The following RANBP10 variants were observed in gnomAD, a reference collection of about 807,000 sequenced individuals.
The protein encoded by RANBP10 is ran-binding protein 10.
In RANBP10, 24 loss-of-function variants were observed where a neutral mutation model predicts 72.8. The ratio of observed to expected loss-of-function variants is 0.33; its 90% CI spans 0.24 to 0.46. The LOEUF (loss-of-function observed/expected upper bound fraction) is 0.46. Among genes scored for constraint, RANBP10 ranks in the 20% least tolerant of loss-of-function variants. The pLI, the probability that RANBP10 is intolerant of heterozygous loss-of-function variation, is 1.00. For missense variants in RANBP10, 679 were observed against 817.5 expected (o/e 0.83, Z 2.07); for synonymous variants, 310 against 322.3 (o/e 0.96, Z 0.41).
intron 2 of RANBP10, among the ~76,000 whole-genome samples, chr16:67,802,967 G>A (rs1203433472): frequency 1.3e-5 from 2 of 152,152 alleles, no homozygotes; most frequent in African/African-American, 4.8e-5. Flanking sequence ...TGTTATCTAT[G>A]ATAAAGACTA....
intron 3 of RANBP10, among the ~76,000 whole-genome samples, chr16:67,762,746 T>G (rs2054423139): frequency 6.6e-6 from 1 of 152,200 alleles, no homozygotes; most frequent in South Asian, 2.1e-4. Context: ...TGGAGCCTGA[T>G]GCAATTTACT....
chr16:67,800,078 T>C (rs2055207719), intron 2 of RANBP10, among the ~76,000 whole-genome samples: 1 of 151,784 alleles, frequency 6.6e-6, no homozygotes, highest in South Asian at 2.1e-4. Context: ...GCCAAGATTG[T>C]GCCACTGCAC....
intron 4 of RANBP10, among the ~76,000 whole-genome samples, chr16:67,738,247 C>G (rs2053896251): frequency 6.6e-6 from 1 of 151,096 alleles, no homozygotes; most frequent in Non-Finnish European, 1.5e-5. Context: ...AAGCAATTCT[C>G]TGGCCTCAGC....
chr16:67,739,545 C>T (rs759928032), intron 4 of RANBP10, among the ~76,000 whole-genome samples: 1 of 152,096 alleles, frequency 6.6e-6, no homozygotes, highest in South Asian at 2.1e-4. Context: ...TTCAGGTTAA[C>T]AATGGCCTGT....
At chr16:67,755,164 A>G (rs1259510519) in intron 3 of RANBP10, among the ~76,000 whole-genome samples, 1 of 152,114 alleles carries the variant, frequency 6.6e-6, no homozygotes, top group African/African-American at 2.4e-5. Flanking sequence ...TCCAGCAATT[A>G]TGCCTGGGTG....
chr16:67,730,393 C>T lies in RANBP10; in HGVS notation c.890-347G>A, dbSNP rs560685384. ...TGGGGCAACATGATCTGGGGATGGG[C>T]ACCCAGGCAGCTTGGCGGCCTGAGT... On this transcript the variant is annotated intron_variant, in intron 7 of 13. Transcript: ENST00000317506. The surrounding 1 kb of genome is among the most constrained non-coding windows in gnomAD (Gnocchi z 4.3). Among the ~76,000 whole-genome samples, 4 of 152,174 alleles carry T rather than the reference C, an allele frequency of 2.6e-5. No homozygotes were observed. The highest frequency in any genetic ancestry group is 5.9e-5 in the Non-Finnish European group (4 of 68,024).
intron 2 of RANBP10, among the ~76,000 whole-genome samples, chr16:67,798,914 C>T (rs2055181477): frequency 6.6e-6 from 1 of 152,098 alleles, no homozygotes; most frequent in Non-Finnish European, 1.5e-5. Flanking sequence ...CTGGCCACAG[C>T]ATACAAGGTA....
At chr16:67,785,432 CT>C (rs2054897470) in intron 2 of RANBP10, among the ~76,000 whole-genome samples, 1 of 151,772 alleles carries the variant, frequency 6.6e-6, no homozygotes, top group Non-Finnish European at 1.5e-5. Context: ...AATATTAAAA[CT>C]TCTGTGCATC....
chr16:67,734,570 A>G (rs529942881), intron 6 of RANBP10, among the ~76,000 whole-genome samples: 1 of 152,238 alleles, frequency 6.6e-6, no homozygotes, highest in Non-Finnish European at 1.5e-5. Context: ...TCCTCTGCAA[A>G]ATGACCTGGG....
chr16:67,780,762 G>C (rs150232256), intron 2 of RANBP10, among the ~76,000 whole-genome samples: 1 of 152,196 alleles, frequency 6.6e-6, no homozygotes, highest in East Asian at 1.9e-4. Flanking sequence ...TTTATTGGGT[G>C]GGGGAGGAGC....
intron 2 of RANBP10, 35 bp downstream of exon 2, chr16:67,805,393 T>A (rs745370992): frequency 1.3e-6 from 2 of 1,576,338 alleles, no homozygotes; most frequent in Admixed American, 1.7e-5. Flanking sequence ...ATCAGCTCCA[T>A]GATCAGGGAA....
At chr16:67,771,422 T>C (rs1023178733) in intron 3 of RANBP10, among the ~76,000 whole-genome samples, 1 of 152,060 alleles carries the variant, frequency 6.6e-6, no homozygotes, top group African/African-American at 2.4e-5. Flanking sequence ...CTCAGCTCAC[T>C]GCAACCTCCA....
intron 2 of RANBP10, among the ~76,000 whole-genome samples, chr16:67,777,894 A>G (rs1277097260): frequency 6.6e-6 from 1 of 152,238 alleles, no homozygotes; most frequent in Non-Finnish European, 1.5e-5. Flanking sequence ...TAAGACTCGC[A>G]TAAAGACAGA....
At chr16:67,761,109 T>C (rs2054388081) in intron 3 of RANBP10, among the ~76,000 whole-genome samples, 1 of 152,200 alleles carries the variant, frequency 6.6e-6, no homozygotes, top group Admixed American at 6.5e-5. Flanking sequence ...CATTTTTATT[T>C]TGGGGCCACA....
At chr16:67,781,599 G>A (rs1410132307) in intron 2 of RANBP10, among the ~76,000 whole-genome samples, 1 of 152,198 alleles carries the variant, frequency 6.6e-6, no homozygotes, top group African/African-American at 2.4e-5. Flanking sequence ...TGGCAGCAAA[G>A]TGGAGAAGAA....
chr16:67,746,111 G>A (rs1045986654), intron 3 of RANBP10, among the ~76,000 whole-genome samples: 3 of 151,300 alleles, frequency 2.0e-5, no homozygotes, highest in South Asian at 2.1e-4. Context: ...AGCCGAGATC[G>A]CGCCATTGCA....
intron 2 of RANBP10, among the ~76,000 whole-genome samples, chr16:67,804,285 C>T (rs1037786660): frequency 7.2e-5 from 11 of 151,934 alleles, no homozygotes; most frequent in Non-Finnish European, 2.9e-5. Flanking sequence ...TGCTTCGTCA[C>T]AATCACTGGG....
At chr16:67,778,995 A>C (rs868835379) in intron 2 of RANBP10, among the ~76,000 whole-genome samples, 4 of 152,164 alleles carry the variant, frequency 2.6e-5, no homozygotes, top group Non-Finnish European at 5.9e-5. Context: ...TGAGAGGCTG[A>C]GATGGGAGCA....
intron 11 of RANBP10, among the ~76,000 whole-genome samples, 193 bp from the exon 12 acceptor site, chr16:67,728,089 G>A (rs920016898): frequency 2.0e-5 from 3 of 152,210 alleles, no homozygotes; most frequent in African/African-American, 7.2e-5. Context: ...TAGGATTTAG[G>A]GAGGACTTGG....
Sources: allele counts gnomAD v4.1 joint callset (sites outside exome capture counted in the v4.1 genomes callset), GRCh38; gene constraint gnomAD v4.1.1; non-coding constraint Gnocchi (gnomAD v3.1); transcripts MANE v1.5; gene names NCBI Gene and HGNC (gene_info 2026-07-23, HGNC 2026-07-21).